PRDM15: variants seen among roughly 807,000 people sequenced by gnomAD.
The protein encoded by PRDM15 is PR/SET domain 15.
In PRDM15, 64 loss-of-function variants were observed where a neutral mutation model predicts 128.6. The ratio of observed to expected loss-of-function variants is 0.50; its 90% confidence interval spans 0.41 to 0.61. PRDM15 has a LOEUF of 0.61. Among genes scored for constraint, PRDM15 ranks in the 20% least tolerant of loss-of-function variants. The pLI is 0.00. For synonymous variants in PRDM15, 615 were observed against 621.8 expected (o/e 0.99, Z 0.16); for missense variants, 1,242 against 1,569.1 (o/e 0.79, Z 3.52).
At position 41,854,255 on chromosome 21, in the gene PRDM15, G is replaced by A. The variant is rs747891395; in HGVS notation, c.538+311C>T. Among the ~76,000 whole-genome samples the A allele has an allele frequency of 9.9e-5, 15 of 152,088 alleles. No individual in the cohort carries two copies. The highest frequency in any genetic ancestry group is 9.2e-4 in the Admixed American group (14 of 15,274). The stretch of plus-strand genomic sequence containing the variant: ...AGCAGGCCAGGCCATCAAGGTGCGC[G>A]AGAGTGCGCTCTACCATGCACTCAT... On this transcript the variant is annotated intron_variant, in intron 5 of 23. Coordinates refer to ENST00000398548, the MANE Select transcript of PRDM15 (RefSeq NM_001040424.3). The surrounding 1 kb of genome is among the most constrained non-coding windows in gnomAD (Gnocchi z 4.6).
At position 41,832,640 on chromosome 21, in the gene PRDM15, G is replaced by A. The variant is rs1355928407; in HGVS notation, c.1366+2797C>T. 3.3e-5 allele frequency among the ~76,000 whole-genome samples: 5 copies of A among 151,502 alleles called. No individual in the cohort carries two copies. The highest frequency in any genetic ancestry group is 2.1e-4 in the South Asian group (1 of 4,770). ...AAGAGCACAGGTGAGCCTCCCTCCC[G>A]GGCAGGTGCTAAAGAGCACAGGTGA... On this transcript the variant is annotated intron_variant, in intron 11 of 23. Transcript: ENST00000398548. The surrounding 1 kb of genome is among the most constrained non-coding windows in gnomAD (Gnocchi z 4.2).
chr21:41,859,368 G>C lies in PRDM15; in HGVS notation c.131+224C>G, dbSNP rs1230013931. 1 of 827,310 alleles carries C rather than the reference G, an allele frequency of 1.2e-6. No homozygotes were observed. The highest frequency in any genetic ancestry group is 1.7e-5 in the African/African-American group (1 of 58,786). The allele number at this position is 827,310 out of a possible 1,614,324, so 51.2% of individuals were successfully genotyped here. A position where few individuals can be genotyped will look rare whatever the true frequency, so the allele number is the denominator to read the frequency against. On this transcript the variant is annotated intron_variant, in intron 3 of 23. Coordinates refer to ENST00000398548, the MANE Select transcript of PRDM15 (RefSeq NM_001040424.3). The surrounding 1 kb of genome is among the most constrained non-coding windows in gnomAD (Gnocchi z 5.3). ...CAGCTGGGCTCCAGCTAAGAACCCT[G>C]GAGTGGATCAAAGAAACTCACTCTG...
rs528713243 is a variant in PRDM15 at position 41,810,539 on chromosome 21, C to T, written c.2477-210G>A. 135 of 649,676 alleles carry T rather than the reference C, an allele frequency of 2.1e-4. No individual in the cohort carries two copies. In the African/African-American group the frequency reaches 2.1e-3, roughly 10 times the overall value. 40.2% of individuals were successfully genotyped at this position (649,676 alleles called of 1,614,324 possible). On this transcript the variant is annotated intron_variant, in intron 20 of 23. Coordinates refer to ENST00000398548, the MANE Select transcript of PRDM15 (RefSeq NM_001040424.3). The surrounding 1 kb of genome is among the most constrained non-coding windows in gnomAD (Gnocchi z 6.4). Reference sequence around the variant, plus strand: ...AGCACTGCCAGCAGCAGCTGCATCACGGAACCAATATGAGAAAATTCAAGA... The same window carrying T: ...AGCACTGCCAGCAGCAGCTGCATCATGGAACCAATATGAGAAAATTCAAGA...
intron 3 of PRDM15, among the ~76,000 whole-genome samples, chr21:41,858,395 C>G (rs746721510): frequency 6.8e-6 from 1 of 147,734 alleles, no homozygotes; most frequent in African/African-American, 2.5e-5. Context: ...CAGGCCCCTC[C>G]GACAGAGGCG....
intron 1 of PRDM15, chr21:41,861,864 G>A (rs532670401): frequency 6.3e-7 from 1 of 1,578,854 alleles, no homozygotes; most frequent in South Asian, 1.1e-5. Context: ...GAAATAACAA[G>A]GGGAGGGGGG....
intron 21 of PRDM15, among the ~76,000 whole-genome samples, chr21:41,805,783 ACACCAC>A (rs756371518): frequency 2.7e-5 from 4 of 146,024 alleles, no homozygotes; most frequent in Non-Finnish European, 6.0e-5. Flanking sequence ...ATCAACACCA[ACACCAC>A]CACCACCAAC....
At chr21:41,831,917 AGTC>A (rs1193055076) in intron 11 of PRDM15, among the ~76,000 whole-genome samples, 2 of 152,182 alleles carry the variant, frequency 1.3e-5, no homozygotes, top group East Asian at 3.9e-4. Context: ...TGCTACGCTG[AGTC>A]CCAGCCTAAC....
At chr21:41,875,888 G>C (rs1306898610) in intron 1 of PRDM15, among the ~76,000 whole-genome samples, 1 of 152,138 alleles carries the variant, frequency 6.6e-6, no homozygotes, top group African/African-American at 2.4e-5. Flanking sequence ...GCATTGCTAT[G>C]GGATTTTGTA....
intron 1 of PRDM15, among the ~76,000 whole-genome samples, chr21:41,872,643 T>C (rs1270986720): frequency 1.3e-5 from 2 of 152,166 alleles, no homozygotes; most frequent in South Asian, 2.1e-4. Context: ...ATCTCAAACA[T>C]GTATCATCTC....
At chr21:41,849,744 C>T (rs1351427634) in intron 5 of PRDM15, among the ~76,000 whole-genome samples, 1 of 152,094 alleles carries the variant, frequency 6.6e-6, no homozygotes, top group Non-Finnish European at 1.5e-5. Flanking sequence ...CAACACCAGC[C>T]TGGCCAACAT....
At chr21:41,845,793 C>T (rs1430260638) in intron 6 of PRDM15, among the ~76,000 whole-genome samples, 1 of 152,062 alleles carries the variant, frequency 6.6e-6, no homozygotes, top group African/African-American at 2.4e-5. Flanking sequence ...TTTTTCTTCA[C>T]TCAAAACTAG....
rs73219067 is a variant in PRDM15 at position 41,836,520 on chromosome 21, G to A, written c.1131C>T (p.Cys377=). 0.03 allele frequency: 48,377 copies of A among 1,612,496 alleles called. 888 individuals are homozygous for A. Among genetic ancestry groups the A allele is most frequent in the Non-Finnish European group, 0.036 (42,636 of 1,179,844 alleles). The change falls in exon 9 of 24, where the codon TGC becomes TGT. Residue 377 remains cysteine, a synonymous_variant. Transcript: ENST00000398548. The part of the protein sequence containing the change: ...EHKRVYQCNI[C]SKIFQNSSNL... ...TGCTGCTGTTCTGGAAGATCTTGCT[G>A]CAGATATTGCACTGGTAAACCCGCT...
At chr21:41,849,729 G>C (rs539806475) in intron 5 of PRDM15, among the ~76,000 whole-genome samples, 23 of 152,120 alleles carry the variant, frequency 1.5e-4, no homozygotes, top group Non-Finnish European at 3.4e-4. Context: ...TTCAAGTCAG[G>C]AGTTCAACAC....
At position 41,828,140 on chromosome 21, in the gene PRDM15, C is replaced by A. The variant is rs199726171; in HGVS notation, c.1534+26G>T. 1 of 1,610,076 alleles carries A rather than the reference C, an allele frequency of 6.2e-7. No homozygotes were observed. Among genetic ancestry groups the A allele is most frequent in the Non-Finnish European group, 8.5e-7 (1 of 1,178,660 alleles). ...CCCGCAGGAGCTGCCTCTCCCCGCC[C>A]GCAGCAGGTGCGCAGGCGGCCTCAC... On this transcript the variant is annotated intron_variant, in intron 12 of 23. Transcript: ENST00000398548. The surrounding 1 kb of genome is among the most constrained non-coding windows in gnomAD (Gnocchi z 5.7).
chr21:41,816,299 C>T (rs1240055958), intron 18 of PRDM15, among the ~76,000 whole-genome samples: 1 of 152,236 alleles, frequency 6.6e-6, no homozygotes, highest in Non-Finnish European at 1.5e-5. Context: ...ACTCCAAAGC[C>T]TCACTCACAC....
At chr21:41,839,541 T>C in intron 7 of PRDM15, 82 bp downstream of exon 7, 2 of 766,968 alleles carry the variant, frequency 2.6e-6, no homozygotes. Flanking sequence ...CGCCCCGCCC[T>C]CTGCCCCCTG....
rs1360634355 is a variant in PRDM15 at position 41,836,263 on chromosome 21, A to G, written c.1184-56T>C. ...ACTACTTAGAGCATTTACCGAGAGA[A>G]GCATGCCCACCGGGGAAATGCCCCA... is the stretch of plus-strand genomic sequence containing the variant. On this transcript the variant is annotated intron_variant, in intron 9 of 23. Coordinates refer to ENST00000398548, the MANE Select transcript of PRDM15 (RefSeq NM_001040424.3). 2.0e-6 allele frequency: 3 copies of G among 1,515,104 alleles called. No homozygotes were observed. In the Admixed American group the frequency reaches 5.1e-5, roughly 26 times the overall value. The allele number at this position is 1,515,104 out of a possible 1,614,324, so 93.9% of individuals were successfully genotyped here.
At position 41,857,146 on chromosome 21, in the gene PRDM15, C is replaced by A; in HGVS notation, c.285+30G>T. ...GGGAACGCCAGAAAAACACCCAGTTCCTGAGCTCCTGTTTGGCAACAGCCT... is the reference window on the plus strand; with the variant it reads ...GGGAACGCCAGAAAAACACCCAGTTACTGAGCTCCTGTTTGGCAACAGCCT... On this transcript the variant is annotated intron_variant, in intron 4 of 23. Transcript: ENST00000398548. 1.9e-6 allele frequency: 3 copies of A among 1,594,264 alleles called. No homozygotes were observed. The South Asian group carries it at 3.4e-5, about 18-fold the overall frequency.
intron 11 of PRDM15, among the ~76,000 whole-genome samples, chr21:41,830,175 T>C (rs1019258136): frequency 0.1 from 13,956 of 139,696 alleles, 878 homozygotes; most frequent in Non-Finnish European, 0.15. Context: ...AACACACACA[T>C]TCAACATACC....
Sources: gnomAD v4.1 joint callset for allele counts (sites outside exome capture counted in the v4.1 genomes callset) on GRCh38, gnomAD v4.1.1 for gene constraint, Gnocchi (gnomAD v3.1) non-coding constraint, MANE v1.5 for transcripts, NCBI Gene and HGNC (gene_info 2026-07-23, HGNC 2026-07-21) for gene names.